CPD: variants seen among roughly 807,000 people sequenced by gnomAD.
CPD encodes the protein metallocarboxypeptidase D.
CPD carries 69 observed loss-of-function variants against 138.3 expected under a neutral mutation model. That is an observed-to-expected ratio of 0.50 (90% CI 0.41 to 0.61). CPD has a LOEUF of 0.61. Ranked by LOEUF, CPD falls within the 20% of genes least tolerant of loss-of-function variation. The probability of loss-of-function intolerance (pLI) is 0.00; values close to 1 mark genes in which losing one functional copy is unlikely to be tolerated. For synonymous variants in CPD, 651 were observed against 642.1 expected, an observed-to-expected ratio of 1.01 and a Z score of -0.21; for missense variants, 1,432 against 1,733.3, an observed-to-expected ratio of 0.83 and a Z score of 3.09.
Position 30,378,969 on chromosome 17 carries a change from C to G in CPD, c.-12C>G. 2.0e-6 allele frequency: 3 copies of G among 1,502,488 alleles called. No individual in the cohort carries two copies. The highest frequency in any genetic ancestry group is 1.5e-5 in the African/African-American group (1 of 68,492). 93.1% of individuals were successfully genotyped at this position (1,502,488 alleles called of 1,614,324 possible). On this transcript the variant is annotated 5_prime_UTR_variant, in exon 1 of 21. Transcript: ENST00000225719. Reference sequence around the variant, plus strand: ...GCGGGAGCGGAGCCGGGGTTAGCGGCGCTGCTGGAAGATGGCGAGCGGCCG... The same window carrying G: ...GCGGGAGCGGAGCCGGGGTTAGCGGGGCTGCTGGAAGATGGCGAGCGGCCG...
At chr17:30,394,899 GTA>G (rs963806233) in intron 2 of CPD, among the ~76,000 whole-genome samples, 20 of 113,646 alleles carry the variant, frequency 1.8e-4, no homozygotes, top group African/African-American at 1.1e-4. Flanking sequence ...GAGCATGTGT[GTA>G]TGTGTGTGTG....
intron 2 of CPD, among the ~76,000 whole-genome samples, chr17:30,416,192 C>T (rs1305099438): frequency 6.6e-6 from 1 of 152,050 alleles, no homozygotes; most frequent in South Asian, 2.1e-4. Flanking sequence ...ATTAGCCGGG[C>T]GTAGTGCTGC....
chr17:30,387,793 C>T lies in CPD; in HGVS notation c.994+2557C>T, dbSNP rs147266570. ...CATAAGTTTGAGAATTTAATACTTTCGTTACTGGATCTTTGGGGTATTGCT... is the reference window on the plus strand; with the variant it reads ...CATAAGTTTGAGAATTTAATACTTTTGTTACTGGATCTTTGGGGTATTGCT... On this transcript the variant is annotated intron_variant, in intron 2 of 20. Transcript: ENST00000225719. 7.6e-3 allele frequency among the ~76,000 whole-genome samples: 1,161 copies of T among 152,308 alleles called. 7 individuals are homozygous for T. Among genetic ancestry groups the T allele is most frequent in the Non-Finnish European group, 0.012 (819 of 68,024 alleles).
chr17:30,389,070 C>G (rs1911275298), intron 2 of CPD, among the ~76,000 whole-genome samples: 1 of 152,216 alleles, frequency 6.6e-6, no homozygotes, highest in African/African-American at 2.4e-5. Context: ...CATAGGGGTT[C>G]CTCTCTGCCT....
rs746238816 is a variant in CPD at position 30,455,361 on chromosome 17, C to T, written c.3228C>T (p.Thr1076=). The change falls in exon 15 of 21, where the codon ACC becomes ACT. Residue 1076 remains threonine, a synonymous_variant. Coordinates refer to ENST00000225719, the MANE Select transcript of CPD (RefSeq NM_001304.5). The part of the protein sequence containing the change: ...DFTNNASQPE[T]KAIIENLIQK... ...TAGATAATGCCTCCCAACCTGAGACCAAAGCCATCATTGAAAATTTGATTC... is the reference window on the plus strand; with the variant it reads ...TAGATAATGCCTCCCAACCTGAGACTAAAGCCATCATTGAAAATTTGATTC... 2 of 1,612,628 alleles carry T rather than the reference C, an allele frequency of 1.2e-6. No homozygotes were observed. Among genetic ancestry groups the T allele is most frequent in the African/African-American group, 2.7e-5 (2 of 74,826 alleles).
At chr17:30,403,981 T>C (rs1911741216) in intron 2 of CPD, among the ~76,000 whole-genome samples, 1 of 152,158 alleles carries the variant, frequency 6.6e-6, no homozygotes, top group Non-Finnish European at 1.5e-5. Flanking sequence ...TCAAAAGCAT[T>C]ATGCTAAGTG....
At chr17:30,388,009 G>A (rs1440187274) in intron 2 of CPD, among the ~76,000 whole-genome samples, 1 of 152,180 alleles carries the variant, frequency 6.6e-6, no homozygotes. Context: ...TCAGCCCTCA[G>A]CACAAAGGAA....
At chr17:30,451,880 G>A in intron 14 of CPD, 34 bp downstream of exon 14, 1 of 1,594,558 alleles carries the variant, frequency 6.3e-7, no homozygotes. Context: ...AAAGTACTTA[G>A]GAGATAATTT....
chr17:30,464,156 C>T (rs867706517), intron 20 of CPD, among the ~76,000 whole-genome samples: 2 of 151,820 alleles, frequency 1.3e-5, no homozygotes, highest in African/African-American at 2.4e-5. Flanking sequence ...TTTGGGAGGC[C>T]GAGGCAGGTG....
Position 30,462,466 on chromosome 17 carries a change from T to A in CPD, c.3913T>A (p.Ser1305Thr), listed in dbSNP as rs1271162840. ...GLPRELVVTVSGATMSALILT... is the reference protein window; with the variant it reads ...GLPRELVVTVTGATMSALILT... ...GCCAAGGGAGCTTGTGGTAACTGTA[T>A]CAGGTAAAGACATTTTGATTTTTAG... Residue 1305 changes from serine (S) to threonine (T), a missense_variant, in exon 20 of 21, where the codon TCA becomes ACA. Physicochemically the swap from Ser to Thr is moderately conservative, Grantham distance 58. This residue lies in a region of CPD where 366 missense variants were observed against 518.8 expected (regional missense o/e 0.71). Coordinates refer to ENST00000225719, the MANE Select transcript of CPD (RefSeq NM_001304.5). The A allele has an allele frequency of 6.2e-7, 1 of 1,611,722 alleles. No homozygotes were observed. Among genetic ancestry groups the A allele is most frequent in the Non-Finnish European group, 8.5e-7 (1 of 1,178,084 alleles).
intron 2 of CPD, among the ~76,000 whole-genome samples, chr17:30,386,442 T>TATATATATATATATATATATATACATAC (rs1279595060): frequency 7.2e-5 from 11 of 152,308 alleles, no homozygotes; most frequent in African/African-American, 2.4e-4. Context: ...CATATATATA[T>TATATATATATATATATATATATACATAC]ACATAACATG....
At chr17:30,396,073 G>A (rs1025067636) in intron 2 of CPD, among the ~76,000 whole-genome samples, 1 of 152,036 alleles carries the variant, frequency 6.6e-6, no homozygotes, top group East Asian at 1.9e-4. Context: ...ATGCTCATTA[G>A]CTTTTAAAAA....
intron 3 of CPD, 129 bp downstream of exon 3, chr17:30,421,112 A>G: frequency 1.5e-6 from 1 of 652,806 alleles, no homozygotes. Flanking sequence ...TTAAGATTAT[A>G]AATTATCTTT....
At chr17:30,416,741 A>G (rs1912117300) in intron 2 of CPD, among the ~76,000 whole-genome samples, 1 of 152,108 alleles carries the variant, frequency 6.6e-6, no homozygotes, top group Non-Finnish European at 1.5e-5. Context: ...TTACCTCCTC[A>G]TGAAGGCTTT....
At position 30,379,495 on chromosome 17, in the gene CPD, A is replaced by C. The variant is rs1460795208; in HGVS notation, c.515A>C (p.Asn172Thr). The C allele has an allele frequency of 1.4e-5, 22 of 1,573,508 alleles. No homozygotes were observed. The highest frequency in any genetic ancestry group is 1.8e-5 in the Non-Finnish European group (21 of 1,164,892). Residue 172 changes from asparagine (N) to threonine (T), a missense_variant, in exon 1 of 21, where the codon AAC becomes ACC. Physicochemically the swap from Asn to Thr is moderately conservative, Grantham distance 65 (BLOSUM62 0). This residue lies in a region of CPD where 484 missense variants were observed against 477.2 expected (regional missense o/e 1.01). Transcript: ENST00000225719. The surrounding 1 kb of genome is among the most constrained non-coding windows in gnomAD (Gnocchi z 7.0). ...RGDPRLVRLLNTTDVYLLPSL... is the reference protein window; with the variant it reads ...RGDPRLVRLLTTTDVYLLPSL... ...GACCCGCGCCTGGTCCGCCTGCTCA[A>C]CACCACCGACGTGTACCTGCTGCCC...
intron 2 of CPD, among the ~76,000 whole-genome samples, chr17:30,415,468 A>T (rs1053798981): frequency 3.3e-5 from 5 of 152,212 alleles, no homozygotes; most frequent in Admixed American, 2.0e-4. Context: ...AAAGGAAAAA[A>T]ATATTTTTTT....
intron 12 of CPD, among the ~76,000 whole-genome samples, chr17:30,448,898 G>A (rs955619228): frequency 6.6e-6 from 1 of 151,982 alleles, no homozygotes; most frequent in African/African-American, 2.4e-5. Flanking sequence ...GGCCAGAAGC[G>A]CTTGAAACCA....
intron 11 of CPD, among the ~76,000 whole-genome samples, chr17:30,445,338 A>T (rs570898894): frequency 2.4e-3 from 370 of 152,002 alleles, no homozygotes; most frequent in African/African-American, 8.5e-3. Flanking sequence ...GGTGGTGGGC[A>T]CCTGCAATCC....
rs1250175911 is a variant in CPD, at chr17:30,421,766, G to C, written c.1240G>C (p.Gly414Arg). ...VAGINHNITTGRFGDFYRLLV... is the reference protein window; with the variant it reads ...VAGINHNITTRRFGDFYRLLV... ...TGGTATTAATCATAATATCACAACA[G>C]GCAGATTTGGTGATTTCTACCGATT... The change falls in exon 4 of 21, where the codon GGC becomes CGC. Residue 414 changes from glycine (G) to arginine (R), a missense_variant. Gly to Arg is a moderately radical substitution (Grantham distance 125, BLOSUM62 -2). Around this residue, in one of 6 missense-constraint regions of CPD, gnomAD observed 160 missense variants for 197.9 expected, o/e 0.81. Transcript: ENST00000225719. 9.9e-6 allele frequency: 16 copies of C among 1,613,666 alleles called. No homozygotes were observed. Among genetic ancestry groups the C allele is most frequent in the Non-Finnish European group, 1.3e-5 (15 of 1,179,674 alleles).
Sources: allele counts gnomAD v4.1 joint callset (sites outside exome capture counted in the v4.1 genomes callset), GRCh38; gene constraint gnomAD v4.1.1; regional missense constraint gnomAD v4.1.1; non-coding constraint Gnocchi (gnomAD v3.1); transcripts MANE v1.5; gene names NCBI Gene and HGNC (gene_info 2026-07-23, HGNC 2026-07-21).